Variants in ROCK2 observed in about 807,000 individuals in gnomAD.
ROCK2 encodes rho-associated protein kinase 2.
In ROCK2, 61 loss-of-function variants were observed where a neutral mutation model predicts 195.1. The observed-to-expected ratio is 0.31, with a 90% CI of 0.25 to 0.39. The LOEUF is 0.39. Among genes scored for constraint, ROCK2 ranks in the 10% least tolerant of loss-of-function variants. ROCK2 has a pLI of 1.00. For missense variants in ROCK2, 1,109 were observed against 1,637.4 expected (o/e 0.68, Z 5.57); for synonymous variants, 504 against 545.5 (o/e 0.92, Z 1.06).
chr2:11,249,117 C>T (rs1220833473), intron 4 of ROCK2, among the ~76,000 whole-genome samples: 2 of 152,088 alleles, frequency 1.3e-5, no homozygotes, highest in African/African-American at 4.8e-5. Flanking sequence ...ACGATGGTCT[C>T]AATCTCCTGA....
At chr2:11,297,751 C>T (rs1223336627) in intron 1 of ROCK2, among the ~76,000 whole-genome samples, 1 of 152,072 alleles carries the variant, frequency 6.6e-6, no homozygotes, top group Admixed American at 6.6e-5. Context: ...GTGGCTATTA[C>T]CACATTATAT....
intron 1 of ROCK2, among the ~76,000 whole-genome samples, chr2:11,335,946 T>C (rs1025086003): frequency 1.3e-5 from 2 of 152,206 alleles, no homozygotes; most frequent in Admixed American, 6.5e-5. Flanking sequence ...ATAAAACTCA[T>C]ACTATTCATT....
intron 7 of ROCK2, among the ~76,000 whole-genome samples, 175 bp from the exon 8 acceptor site, chr2:11,222,349 T>G (rs1376320572): frequency 6.6e-6 from 1 of 152,172 alleles, no homozygotes; most frequent in East Asian, 1.9e-4. Flanking sequence ...GTATGTGATC[T>G]CTTTAGACAG....
At chr2:11,255,928 CAAAAAAAAAAA>C (rs57678031) in intron 3 of ROCK2, among the ~76,000 whole-genome samples, 10 of 33,066 alleles carry the variant, frequency 3.0e-4, no homozygotes, top group Admixed American at 5.4e-4. Context: ...GACTCCATCT[CAAAAAAAAAAA>C]AAAAAAAAAA....
intron 3 of ROCK2, among the ~76,000 whole-genome samples, chr2:11,275,973 T>G (rs574684110): frequency 6.6e-6 from 1 of 152,256 alleles, no homozygotes. Flanking sequence ...GTGCTGGGAT[T>G]ATAGGCGTGA....
At chr2:11,339,982 GA>G (rs986416981) in intron 1 of ROCK2, among the ~76,000 whole-genome samples, 2 of 152,076 alleles carry the variant, frequency 1.3e-5, no homozygotes, top group African/African-American at 2.4e-5. Context: ...TTCAAAATGG[GA>G]AAAAGAGGGC....
In ROCK2 at chr2:11,179,920, A is replaced by G. The variant is rs912424344; in HGVS notation, c.*3517T>C. 6.6e-6 allele frequency: 1 copy of G among 152,318 alleles called. No homozygotes were observed. Among genetic ancestry groups the G allele is most frequent in the East Asian group, 1.9e-4 (1 of 5,188 alleles). The allele number at this position is 152,318 out of a possible 1,614,324, so 9.4% of individuals were successfully genotyped here. A position where few individuals can be genotyped will look rare whatever the true frequency, so the allele number is the denominator to read the frequency against. On this transcript the variant is annotated 3_prime_UTR_variant, in exon 33 of 33. Transcript: ENST00000315872. ...GCTGATCAAATATTTATAATTTTCTAAACCATGCAGTTCATTACTTATTAC... is the reference window on the plus strand; with the variant it reads ...GCTGATCAAATATTTATAATTTTCTGAACCATGCAGTTCATTACTTATTAC...
chr2:11,193,052 C>A (rs1663491179), intron 30 of ROCK2, among the ~76,000 whole-genome samples: 1 of 152,140 alleles, frequency 6.6e-6, no homozygotes, highest in Non-Finnish European at 1.5e-5. Context: ...CTGGGAGAGA[C>A]TGTTCAAAAT....
At chr2:11,262,819 C>G (rs1398783490) in intron 3 of ROCK2, among the ~76,000 whole-genome samples, 1 of 152,160 alleles carries the variant, frequency 6.6e-6, no homozygotes, top group East Asian at 1.9e-4. Flanking sequence ...TCCTCAAACA[C>G]TTATGGACAA....
chr2:11,326,056 A>C (rs1668541142), intron 1 of ROCK2, among the ~76,000 whole-genome samples: 1 of 152,234 alleles, frequency 6.6e-6, no homozygotes, highest in Non-Finnish European at 1.5e-5. Flanking sequence ...ATGTAGTTGT[A>C]GATATGTTAT....
At chr2:11,207,991 G>T in intron 19 of ROCK2, 81 bp from the exon 20 acceptor site, 1 of 1,089,158 alleles carries the variant, frequency 9.2e-7, no homozygotes, top group Non-Finnish European at 1.2e-6. Context: ...AAAATATGGT[G>T]ATGTAAAACA....
rs753099518 is a variant in ROCK2, at chr2:11,208,276, T to A, written c.2364+11A>T. On this transcript the variant is annotated intron_variant, in intron 19 of 32. Transcript: ENST00000315872. ...AGTTTATTATTAATCATTAGTACACTTAATACTTACATCCTCATTTAGCAC... is the reference window on the plus strand; with the variant it reads ...AGTTTATTATTAATCATTAGTACACATAATACTTACATCCTCATTTAGCAC... 1 of 1,381,606 alleles carries A rather than the reference T, an allele frequency of 7.2e-7. No individual in the cohort carries two copies. Among genetic ancestry groups the A allele is most frequent in the East Asian group, 2.6e-5 (1 of 39,052 alleles). 85.6% of individuals were successfully genotyped at this position (1,381,606 alleles called of 1,614,324 possible). A position where few individuals can be genotyped will look rare whatever the true frequency, so the allele number is the denominator to read the frequency against.
chr2:11,331,314 G>C (rs898545641), intron 1 of ROCK2, among the ~76,000 whole-genome samples: 4 of 152,102 alleles, frequency 2.6e-5, no homozygotes, highest in African/African-American at 9.7e-5. Flanking sequence ...CTGTGAACAA[G>C]AACAGGCAAC....
chr2:11,226,912 GAAA>G (rs36080073), intron 6 of ROCK2, among the ~76,000 whole-genome samples: 40,396 of 101,170 alleles, frequency 0.4, 6,418 homozygotes, highest in Admixed American at 0.51. Flanking sequence ...CCCTGCCTCA[GAAA>G]AAAAAAAAAA....
chr2:11,307,501 A>T (rs1277874831), intron 1 of ROCK2, among the ~76,000 whole-genome samples: 1 of 151,964 alleles, frequency 6.6e-6, no homozygotes, highest in African/African-American at 2.4e-5. Flanking sequence ...TTTGGTAGAG[A>T]TGGAGTTTCA....
intron 1 of ROCK2, among the ~76,000 whole-genome samples, chr2:11,330,825 A>AC (rs1668710519): frequency 2.5e-4 from 1 of 3,966 alleles, no homozygotes; most frequent in African/African-American, 4.5e-4. Flanking sequence ...GGGGAGGAGG[A>AC]GGGGGAGGAA....
chr2:11,198,802 C>G, intron 23 of ROCK2, 28 bp from the exon 24 acceptor site: 1 of 1,278,298 alleles, frequency 7.8e-7, no homozygotes, highest in Non-Finnish European at 1.1e-6. Context: ...AAAAAATAAT[C>G]ACATCCCAAT....
chr2:11,306,474 T>C (rs968179223), intron 1 of ROCK2, among the ~76,000 whole-genome samples: 4 of 152,226 alleles, frequency 2.6e-5, no homozygotes, highest in African/African-American at 9.6e-5. Flanking sequence ...AGCTCCTTAT[T>C]AAAATGCAAA....
intron 27 of ROCK2, among the ~76,000 whole-genome samples, chr2:11,196,194 G>A (rs781109997): frequency 3.9e-5 from 6 of 152,146 alleles, no homozygotes; most frequent in South Asian, 2.1e-4. Flanking sequence ...TCTGAATGAC[G>A]GAACTCTCTG....
Sources: gnomAD v4.1 joint callset for allele counts (sites outside exome capture counted in the v4.1 genomes callset) on GRCh38, gnomAD v4.1.1 for gene constraint, MANE v1.5 for transcripts, NCBI Gene and HGNC (gene_info 2026-07-23, HGNC 2026-07-21) for gene names.